ACER1: variants seen among roughly 807,000 people sequenced by gnomAD.
ACER1 encodes the protein CTB-180A7.3.
A neutral mutation model predicts 24.9 loss-of-function variants in ACER1; 28 were observed. The ratio of observed to expected loss-of-function variants is 1.13; its 90% CI spans 0.83 to 1.54. ACER1 has a LOEUF of 1.54. Ranked by LOEUF, ACER1 falls within the 40% of genes most tolerant of loss-of-function variation. The pLI is 0.00. For missense variants in ACER1, 352 were observed against 349.3 expected, an observed-to-expected ratio of 1.01 and a Z score of -0.06; for synonymous variants, 132 against 131.4, an observed-to-expected ratio of 1.00 and a Z score of -0.03.
At chr19:6,312,323 C>T (rs2091585983) in intron 2 of ACER1, 33 bp from the exon 3 acceptor site, 1 of 1,613,670 alleles carries the variant, frequency 6.2e-7, no homozygotes, top group African/African-American at 1.3e-5. Flanking sequence ...TCAGTGGGGT[C>T]CGCCACCTCC....
At chr19:6,338,291 C>T (rs2091722772), upstream of ACER1, among the ~76,000 whole-genome samples, 1 of 151,692 alleles carries the variant, frequency 6.6e-6, no homozygotes, top group African/African-American at 2.4e-5. Context: ...TGTGCCCTGG[C>T]CAAAATAAAT....
At chr19:6,316,253 G>A (rs1361792893) in intron 1 of ACER1, among the ~76,000 whole-genome samples, 1 of 152,196 alleles carries the variant, frequency 6.6e-6, no homozygotes, top group Non-Finnish European at 1.5e-5. Flanking sequence ...GGGCAACATA[G>A]TGAGACCCCA....
chr19:6,333,644 C>T, upstream of ACER1: 1 of 1,072,844 alleles, frequency 9.3e-7, no homozygotes, highest in Non-Finnish European at 1.3e-6. Flanking sequence ...GAGAGGACAG[C>T]CCGGTGCCCC....
chr19:6,336,966 A>G (rs1049880852), upstream of ACER1, among the ~76,000 whole-genome samples: 4 of 152,066 alleles, frequency 2.6e-5, no homozygotes, highest in African/African-American at 9.7e-5. Context: ...ACTTGAGGTC[A>G]GGAGTTCAAG....
the ACER1 span, among the ~76,000 whole-genome samples, chr19:6,339,644 A>C: frequency 1.3e-5 from 2 of 152,126 alleles, no homozygotes; most frequent in Middle Eastern, 3.2e-3. Context: ...ACAATTTTAC[A>C]AAGTAATGAT....
intron 4 of ACER1, 52 bp from the exon 5 acceptor site, chr19:6,307,342 G>A: frequency 3.8e-6 from 6 of 1,591,064 alleles, no homozygotes; most frequent in Non-Finnish European, 5.1e-6. Context: ...AGCACCTGAT[G>A]GGGCTGATGG....
chr19:6,334,371 G>A (rs1308281789), upstream of ACER1, among the ~76,000 whole-genome samples: 3 of 151,204 alleles, frequency 2.0e-5, no homozygotes, highest in Non-Finnish European at 4.4e-5. Context: ...TTGAGATGCA[G>A]TCTGGCTCTG....
intron 3 of ACER1, among the ~76,000 whole-genome samples, chr19:6,311,125 T>C (rs1233409466): frequency 1.5e-5 from 2 of 135,490 alleles, no homozygotes; most frequent in African/African-American, 2.8e-5. Context: ...GAGGGATCCC[T>C]GGGTCCGGGT....
intron 1 of ACER1, among the ~76,000 whole-genome samples, chr19:6,317,561 CT>C (rs888771762): frequency 1.3e-5 from 2 of 152,172 alleles, no homozygotes; most frequent in Admixed American, 1.3e-4. Context: ...AACACCAGCC[CT>C]TGAATATCAA....
At chr19:6,350,589 G>T in the ACER1 span, among the ~76,000 whole-genome samples, 1 of 122,684 alleles carries the variant, frequency 8.2e-6, no homozygotes, top group East Asian at 2.9e-4. Context: ...AGAAAGAAGA[G>T]AAAAGAAAGG....
rs1235777771 is a variant in ACER1, at chr19:6,309,839, G to A, written c.351-5C>T. 1 of 1,613,966 alleles carries A rather than the reference G, an allele frequency of 6.2e-7. No individual in the cohort carries two copies. The highest frequency in any genetic ancestry group is 1.7e-5 in the Admixed American group (1 of 59,996). ...ACCAGGCGGATGAACTGGGACCTGG[G>A]GAGGAAGGGGCTCAGCTGTAGGCGG... is the stretch of plus-strand genomic sequence containing the variant. On this transcript the variant is annotated splice_polypyrimidine_tract_variant and splice_region_variant and intron_variant, in intron 3 of 5. Transcript: ENST00000301452.
intron 1 of ACER1, among the ~76,000 whole-genome samples, chr19:6,322,749 C>T (rs545049792): frequency 3.2e-4 from 49 of 152,206 alleles, no homozygotes; most frequent in Admixed American, 1.4e-3. Flanking sequence ...ATTGAATTAT[C>T]GGGGTGGGTC....
At chr19:6,345,524 G>C in the ACER1 span, among the ~76,000 whole-genome samples, 1 of 151,750 alleles carries the variant, frequency 6.6e-6, no homozygotes, top group Non-Finnish European at 1.5e-5. Context: ...GTCCCAGCTG[G>C]GGGTGATGGG....
chr19:6,347,210 TTTC>T, the ACER1 span, among the ~76,000 whole-genome samples: 2 of 144,580 alleles, frequency 1.4e-5, no homozygotes, highest in African/African-American at 5.2e-5. Flanking sequence ...CTCTTTTTCT[TTTC>T]TTTTCTTTTT....
At chr19:6,307,983 T>C (rs2091560151) in intron 4 of ACER1, among the ~76,000 whole-genome samples, 2 of 150,984 alleles carry the variant, frequency 1.3e-5, no homozygotes, top group African/African-American at 4.9e-5. Flanking sequence ...TCCCAGCTAC[T>C]TGGGAGGCTG....
the ACER1 span, among the ~76,000 whole-genome samples, chr19:6,355,623 G>C: frequency 3.4e-5 from 5 of 148,816 alleles, no homozygotes; most frequent in Admixed American, 1.3e-4. Flanking sequence ...AGGGAGGTGG[G>C]GGGGGTCAGC....
chr19:6,324,760 AAAAT>A (rs559358376), intron 1 of ACER1, among the ~76,000 whole-genome samples: 21 of 151,416 alleles, frequency 1.4e-4, no homozygotes, highest in Non-Finnish European at 1.5e-5. Flanking sequence ...AAAACAAAAT[AAAAT>A]AAAGAAAGAA....
intron 1 of ACER1, among the ~76,000 whole-genome samples, chr19:6,326,397 A>T (rs185317574): frequency 0.015 from 2,338 of 151,712 alleles, 56 homozygotes; most frequent in African/African-American, 0.055. Context: ...AGGTGTTGGG[A>T]TTACAGGCGT....
the ACER1 span, among the ~76,000 whole-genome samples, chr19:6,344,582 G>T: frequency 1.3e-5 from 2 of 151,872 alleles, no homozygotes; most frequent in Non-Finnish European, 2.9e-5. Context: ...TTTTAGTAGA[G>T]ACAAGGTTTC....
Sources: gnomAD v4.1 joint callset for allele counts (sites outside exome capture counted in the v4.1 genomes callset) on GRCh38, gnomAD v4.1.1 for gene constraint, MANE v1.5 for transcripts, NCBI Gene and HGNC (gene_info 2026-07-23, HGNC 2026-07-21) for gene names.